The following RIC8B variants were observed in gnomAD, a reference collection of about 807,000 sequenced individuals.
RIC8B encodes the protein chaperone Ric-8B.
RIC8B carries 16 observed loss-of-function variants against 57.5 expected under a neutral mutation model. The observed-to-expected ratio is 0.28, with a 90% CI of 0.19 to 0.42. The LOEUF is 0.42. RIC8B is among the 10% of genes least tolerant of loss of function. RIC8B has a pLI of 1.00. For missense variants in RIC8B, 481 were observed against 677.0 expected, an observed-to-expected ratio of 0.71 and a Z score of 3.21; for synonymous variants, 216 against 250.8, an observed-to-expected ratio of 0.86 and a Z score of 1.31.
intron 7 of RIC8B, among the ~76,000 whole-genome samples, chr12:106,853,802 T>C (rs186920063): frequency 2.6e-4 from 39 of 152,220 alleles, no homozygotes; most frequent in Non-Finnish European, 1.2e-4. Context: ...TGATTATAAG[T>C]TTAGTAAATG....
At chr12:106,798,975 C>A (rs1337977250) in intron 2 of RIC8B, among the ~76,000 whole-genome samples, 1 of 152,150 alleles carries the variant, frequency 6.6e-6, no homozygotes, top group African/African-American at 2.4e-5. Context: ...CTCACTAACT[C>A]AAAATAGACA....
chr12:106,815,192 C>G lies in RIC8B; in HGVS notation c.629C>G (p.Ser210Trp). ...ATCAAGTGGACCGATGAGTATGAATCGGCCATAGACCATAATGGACCTCCT... is the reference window on the plus strand; with the variant it reads ...ATCAAGTGGACCGATGAGTATGAATGGGCCATAGACCATAATGGACCTCCT... ...FSIKWTDEYESAIDHNGPPLS... is the reference protein window; with the variant it reads ...FSIKWTDEYEWAIDHNGPPLS... Residue 210 changes from serine (S) to tryptophan (W), a missense_variant, in exon 3 of 10, where the codon TCG becomes TGG. Transcript: ENST00000392837. The G allele has an allele frequency of 6.2e-7, 1 of 1,614,210 alleles. No individual in the cohort carries two copies. Among genetic ancestry groups the G allele is most frequent in the Non-Finnish European group, 8.5e-7 (1 of 1,180,032 alleles).
intron 9 of RIC8B, chr12:106,874,649 T>A: frequency 9.5e-7 from 1 of 1,048,532 alleles, no homozygotes; most frequent in Non-Finnish European, 1.4e-6. Flanking sequence ...ACCACCAATG[T>A]AAAAGTTAAA....
chr12:106,803,227 A>AAAAAAAAAAAAAAG (rs2044832023), intron 2 of RIC8B, among the ~76,000 whole-genome samples: 1 of 151,352 alleles, frequency 6.6e-6, no homozygotes, highest in Non-Finnish European at 1.5e-5. Context: ...AAAAAAAAAA[A>AAAAAAAAAAAAAAG]AAAAAAAAAA....
intron 2 of RIC8B, among the ~76,000 whole-genome samples, chr12:106,810,957 T>G (rs2045311398): frequency 1.3e-5 from 2 of 152,184 alleles, no homozygotes; most frequent in South Asian, 4.1e-4. Flanking sequence ...GAGCCAAGAT[T>G]TGCATACAAA....
At chr12:106,882,792 A>G (rs1951011176) in intron 9 of RIC8B, among the ~76,000 whole-genome samples, 1 of 152,186 alleles carries the variant, frequency 6.6e-6, no homozygotes, top group African/African-American at 2.4e-5. Context: ...CCATGTGGAG[A>G]AGAAAATAAT....
intron 9 of RIC8B, chr12:106,874,582 G>A (rs1950584857): frequency 1.3e-6 from 2 of 1,537,646 alleles, no homozygotes; most frequent in South Asian, 1.2e-5. Flanking sequence ...GTCATGCCAA[G>A]TACTGTTACT....
rs78416621 is a variant in RIC8B at position 106,879,261 on chromosome 12, C to T, written c.1572-6643C>T. 1.0e-6 allele frequency: 1 copy of T among 985,670 alleles called. No individual in the cohort carries two copies. Among genetic ancestry groups the T allele is most frequent in the East Asian group, 1.1e-4 (1 of 8,812 alleles). The allele number at this position is 985,670 out of a possible 1,614,324, so 61.1% of individuals were successfully genotyped here. On this transcript the variant is annotated intron_variant, in intron 9 of 9. Coordinates refer to ENST00000392837, the MANE Select transcript of RIC8B (RefSeq NM_001330145.2). The surrounding 1 kb of genome is among the most constrained non-coding windows in gnomAD (Gnocchi z 4.9). ...TGTTTGTATTGCACAAAAACATGTGCTGTGGGCAAGAGTATTCTCTTGCTT... is the reference window on the plus strand; with the variant it reads ...TGTTTGTATTGCACAAAAACATGTGTTGTGGGCAAGAGTATTCTCTTGCTT...
rs12426786 is a variant in RIC8B, at chr12:106,801,572, T to C, written c.133-13124T>C. On this transcript the variant is annotated intron_variant, in intron 2 of 9. Transcript: ENST00000392837. ...GTATCCATTAAATAAAAAGTGAGAA[T>C]TGCCATTGCCTCCCATATTACAAGT... Among the ~76,000 whole-genome samples the C allele has an allele frequency of 4.0e-3, 611 of 152,192 alleles. 18 individuals are homozygous for C. The highest frequency in any genetic ancestry group is 0.037 in the Admixed American group (559 of 15,276).
At chr12:106,875,987 A>G (rs865940575) in intron 9 of RIC8B, among the ~76,000 whole-genome samples, 24 of 152,314 alleles carry the variant, frequency 1.6e-4, no homozygotes, top group Middle Eastern at 3.4e-3. Flanking sequence ...CCTTACAAAA[A>G]TATCAACGAC....
intron 2 of RIC8B, 104 bp from the exon 3 acceptor site, chr12:106,814,592 T>A: frequency 1.7e-6 from 2 of 1,207,958 alleles, no homozygotes; most frequent in Non-Finnish European, 2.3e-6. Context: ...AAACCTTTTC[T>A]CTCTGGATTT....
intron 1 of RIC8B, among the ~76,000 whole-genome samples, chr12:106,780,281 T>G (rs531228130): frequency 6.6e-6 from 1 of 152,260 alleles, no homozygotes; most frequent in Non-Finnish European, 1.5e-5. Flanking sequence ...CATAGCAAAT[T>G]CCAGCAGCAT....
intron 3 of RIC8B, among the ~76,000 whole-genome samples, chr12:106,824,419 AT>A (rs916537666): frequency 9.9e-5 from 15 of 152,218 alleles, no homozygotes; most frequent in African/African-American, 3.6e-4. Flanking sequence ...ATACATGATG[AT>A]GTTATATTTA....
At chr12:106,860,531 A>AT (rs1949886483) in intron 8 of RIC8B, 119 bp downstream of exon 8, 1 of 850,652 alleles carries the variant, frequency 1.2e-6, no homozygotes, top group Admixed American at 3.8e-5. Flanking sequence ...TTTCCATTTA[A>AT]TGGTGTTTTT....
chr12:106,844,050 C>G, intron 6 of RIC8B, 103 bp downstream of exon 6: 2 of 824,148 alleles, frequency 2.4e-6, no homozygotes, highest in South Asian at 3.1e-5. Flanking sequence ...TTCAGATAAT[C>G]AGAAACTCAG....
At chr12:106,882,190 C>CA (rs1950972141) in intron 9 of RIC8B, among the ~76,000 whole-genome samples, 1 of 152,172 alleles carries the variant, frequency 6.6e-6, no homozygotes, top group African/African-American at 2.4e-5. Context: ...ACAGGAACGA[C>CA]AATTTGTGGG....
intron 5 of RIC8B, 64 bp from the exon 6 acceptor site, chr12:106,843,788 G>A (rs1179433797): frequency 4.6e-5 from 53 of 1,163,370 alleles, no homozygotes; most frequent in Non-Finnish European, 5.4e-5. Context: ...TTACATGAAG[G>A]AAAGTAATAC....
chr12:106,844,544 G>T (rs955101978), intron 6 of RIC8B, among the ~76,000 whole-genome samples: 3 of 152,268 alleles, frequency 2.0e-5, no homozygotes, highest in African/African-American at 7.2e-5. Flanking sequence ...TACAGCAGGC[G>T]GTGTAGGACT....
At chr12:106,780,699 A>G (rs567882196) in intron 1 of RIC8B, among the ~76,000 whole-genome samples, 1 of 152,222 alleles carries the variant, frequency 6.6e-6, no homozygotes, top group African/African-American at 2.4e-5. Flanking sequence ...ATCTGTGTTC[A>G]TGAAACAGCA....
Sources: allele counts gnomAD v4.1 joint callset (sites outside exome capture counted in the v4.1 genomes callset), GRCh38; gene constraint gnomAD v4.1.1; non-coding constraint Gnocchi (gnomAD v3.1); transcripts MANE v1.5; gene names NCBI Gene and HGNC (gene_info 2026-07-23, HGNC 2026-07-21).